SLC12A5: variants seen among roughly 807,000 people sequenced by gnomAD.
The protein encoded by SLC12A5 is K-Cl cotransporter 2.
In SLC12A5, 18 loss-of-function variants were observed where a neutral mutation model predicts 124.0. The ratio of observed to expected loss-of-function variants is 0.15; its 90% CI spans 0.10 to 0.22. The LOEUF is 0.22. SLC12A5 is among the 10% of genes least tolerant of loss of function. SLC12A5 has a pLI of 1.00. For synonymous variants in SLC12A5, 589 were observed against 568.0 expected (o/e 1.04, Z -0.53); for missense variants, 867 against 1,478.7 (o/e 0.59, Z 6.78).
At position 46,053,573 on chromosome 20, in the gene SLC12A5, T is replaced by C. The variant is rs767851385; in HGVS notation, c.2548-5T>C. 2.7e-5 allele frequency: 43 copies of C among 1,613,612 alleles called. No individual in the cohort carries two copies. The highest frequency in any genetic ancestry group is 4.4e-5 in the South Asian group (4 of 91,082). Reference sequence around the variant, plus strand: ...ACCTTTCTGAATCCCCTTCATCGCCTGCAGGTCTGGCGGAAGTGCAAGATG... The same window carrying C: ...ACCTTTCTGAATCCCCTTCATCGCCCGCAGGTCTGGCGGAAGTGCAAGATG... On this transcript the variant is annotated splice_region_variant and splice_polypyrimidine_tract_variant and intron_variant, in intron 19 of 25. Coordinates refer to ENST00000243964, the MANE Select transcript of SLC12A5 (RefSeq NM_020708.5). The surrounding 1 kb of genome is among the most constrained non-coding windows in gnomAD (Gnocchi z 4.7).
chr20:46,042,168 G>A (rs1354976963), intron 8 of SLC12A5, among the ~76,000 whole-genome samples: 1 of 152,216 alleles, frequency 6.6e-6, no homozygotes, highest in Non-Finnish European at 1.5e-5. Context: ...AAGCGATGTA[G>A]GAGAGGCTGG....
chr20:46,029,507 C>T, intron 1 of SLC12A5, 111 bp downstream of exon 1: 2 of 1,220,012 alleles, frequency 1.6e-6, no homozygotes, highest in Non-Finnish European at 1.1e-6. Flanking sequence ...CTGGGACTGA[C>T]CCGGGCGGTG....
Position 46,053,228 on chromosome 20 carries a change from C to T in SLC12A5, c.2547+102C>T. On this transcript the variant is annotated intron_variant, in intron 19 of 25. Coordinates refer to ENST00000243964, the MANE Select transcript of SLC12A5 (RefSeq NM_020708.5). This position sits in a 1 kb window ranked among gnomAD's most constrained non-coding sequence, Gnocchi z 4.7. ...TGCAGGTCAGACTCAGGGGCTCTGGCCAGGGTCAGCTTCCGTGTCCTTCCT... is the reference window on the plus strand; with the variant it reads ...TGCAGGTCAGACTCAGGGGCTCTGGTCAGGGTCAGCTTCCGTGTCCTTCCT... 1 of 1,306,472 alleles carries T rather than the reference C, an allele frequency of 7.7e-7. No individual in the cohort carries two copies. The allele number at this position is 1,306,472 out of a possible 1,614,324, so 80.9% of individuals were successfully genotyped here.
At position 46,037,292 on chromosome 20, in the gene SLC12A5, C is replaced by T. The variant is rs1274799788; in HGVS notation, c.519C>T (p.Gly173=). The T allele has an allele frequency of 6.2e-7, 1 of 1,611,316 alleles. No homozygotes were observed. Among genetic ancestry groups the T allele is most frequent in the East Asian group, 2.2e-5 (1 of 44,788 alleles). ...GSYYMISRSL[G]PEFGGAVGLC... ...ACTACATGATTTCCAGGTCTCTGGGCCCAGAGTTTGGGGGTGCCGTGGGCC... is the reference window on the plus strand; with the variant it reads ...ACTACATGATTTCCAGGTCTCTGGGTCCAGAGTTTGGGGGTGCCGTGGGCC... Residue 173 remains glycine, a synonymous_variant, in exon 6 of 26, where the codon GGC becomes GGT. Coordinates refer to ENST00000243964, the MANE Select transcript of SLC12A5 (RefSeq NM_020708.5).
At chr20:46,039,729 C>A (rs991924644) in intron 6 of SLC12A5, among the ~76,000 whole-genome samples, 1 of 151,864 alleles carries the variant, frequency 6.6e-6, no homozygotes, top group Non-Finnish European at 1.5e-5. Flanking sequence ...GAGCCAAGAT[C>A]GTGCCACTGC....
chr20:46,040,725 G>A, intron 7 of SLC12A5, 111 bp downstream of exon 7: 1 of 1,502,458 alleles, frequency 6.7e-7, no homozygotes, highest in African/African-American at 1.4e-5. Flanking sequence ...AGAGTGGTGT[G>A]GGTTGGGAGT....
At chr20:46,039,264 A>T (rs1390782337) in intron 6 of SLC12A5, among the ~76,000 whole-genome samples, 1 of 152,046 alleles carries the variant, frequency 6.6e-6, no homozygotes, top group Non-Finnish European at 1.5e-5. Flanking sequence ...ACAGATGTGC[A>T]TAAAGAATAG....
At chr20:46,048,176 T>C (rs2084614994) in intron 16 of SLC12A5, 91 bp downstream of exon 16, 3 of 1,184,828 alleles carry the variant, frequency 2.5e-6, no homozygotes, top group East Asian at 5.2e-5. Context: ...GCCTGACTTA[T>C]CCTGCTTGCT....
At chr20:46,022,022 A>T in intron 1 of SLC12A5, 1 of 1,014,942 alleles carries the variant, frequency 9.9e-7, no homozygotes, top group Non-Finnish European at 1.3e-6. Flanking sequence ...TGAGAGGGGA[A>T]TGGAGCCAGG....
chr20:46,059,401 T>A lies in SLC12A5; in HGVS notation c.*1796T>A. The A allele has an allele frequency of 2.5e-6, 1 of 395,826 alleles. No homozygotes were observed. Among genetic ancestry groups the A allele is most frequent in the Non-Finnish European group, 4.4e-6 (1 of 224,806 alleles). 24.5% of individuals were successfully genotyped at this position (395,826 alleles called of 1,614,324 possible). ...GATTCGATCAGGGGACTGGATAGAT[T>A]CTTTCAGGTACTCAATCAGGAAGCT... On this transcript the variant is annotated 3_prime_UTR_variant, in exon 26 of 26. Transcript: ENST00000243964.
Position 46,034,873 on chromosome 20 carries a change from G to A in SLC12A5, c.53-75G>A. ...AACTGAGATTCAGAGGGCTACTGTGGCTACACCACTGTATGCCCAGGTGGT... is the reference window on the plus strand; with the variant it reads ...AACTGAGATTCAGAGGGCTACTGTGACTACACCACTGTATGCCCAGGTGGT... On this transcript the variant is annotated intron_variant, in intron 1 of 25. Coordinates refer to ENST00000243964, the MANE Select transcript of SLC12A5 (RefSeq NM_020708.5). The A allele has an allele frequency of 3.7e-6, 5 of 1,356,044 alleles. No individual in the cohort carries two copies. In the Middle Eastern group the frequency reaches 7.2e-4, roughly 195 times the overall value. The allele number at this position is 1,356,044 out of a possible 1,614,324, so 84.0% of individuals were successfully genotyped here. A position where few individuals can be genotyped will look rare whatever the true frequency, so the allele number is the denominator to read the frequency against.
Position 46,059,756 on chromosome 20 carries a change from GTCCAT to G in SLC12A5, c.*2154_*2158del, listed in dbSNP as rs1237963229. Reference sequence around the variant, plus strand: ...TAATCACTGTAGTTAGATGTTTCATGTCCATTCAAGTGACTTTTATTCTGAGTGCA... The same window carrying G: ...TAATCACTGTAGTTAGATGTTTCATGTCAAGTGACTTTTATTCTGAGTGCA... On this transcript the variant is annotated 3_prime_UTR_variant, in exon 26 of 26. Transcript: ENST00000243964. 2.5e-5 allele frequency: 10 copies of G among 398,296 alleles called. No homozygotes were observed. Among genetic ancestry groups the G allele is most frequent in the East Asian group, 1.4e-4 (4 of 28,052 alleles). The allele number at this position is 398,296 out of a possible 1,614,324, so 24.7% of individuals were successfully genotyped here. A position where few individuals can be genotyped will look rare whatever the true frequency, so the allele number is the denominator to read the frequency against.
intron 4 of SLC12A5, among the ~76,000 whole-genome samples, chr20:46,036,389 G>A (rs1272586948): frequency 2.6e-5 from 4 of 152,222 alleles, no homozygotes; most frequent in Admixed American, 2.0e-4. Context: ...AGCTCTGCAT[G>A]TGAGGTACGC....
chr20:46,041,028 C>G (rs1383404047), intron 7 of SLC12A5: 4 of 411,562 alleles, frequency 9.7e-6, no homozygotes, highest in Admixed American at 8.0e-5. Flanking sequence ...GACTCAGATC[C>G]AAGTCCACTC....
rs763190108 is a variant in SLC12A5, at chr20:46,044,954, A to C, written c.1395-12A>C. On this transcript the variant is annotated splice_polypyrimidine_tract_variant and intron_variant, in intron 11 of 25. Coordinates refer to ENST00000243964, the MANE Select transcript of SLC12A5 (RefSeq NM_020708.5). Reference sequence around the variant, plus strand: ...ACTGCTCACCTGGCATCTCCTGTCCACATCATTCCAGGTTTGGCGAAGCTG... The same window carrying C: ...ACTGCTCACCTGGCATCTCCTGTCCCCATCATTCCAGGTTTGGCGAAGCTG... 4 of 1,614,162 alleles carry C rather than the reference A, an allele frequency of 2.5e-6. No individual in the cohort carries two copies. The East Asian group carries it at 8.9e-5, about 36-fold the overall frequency.
chr20:46,041,187 C>T (rs1233751401), intron 7 of SLC12A5, 142 bp from the exon 8 acceptor site: 2 of 686,368 alleles, frequency 2.9e-6, no homozygotes, highest in Non-Finnish European at 4.8e-6. Context: ...AGCCAATGGC[C>T]AGGCTTCATT....
intron 15 of SLC12A5, 107 bp from the exon 16 acceptor site, chr20:46,047,874 T>C (rs2084610218): frequency 9.0e-7 from 1 of 1,105,444 alleles, no homozygotes; most frequent in Non-Finnish European, 1.3e-6. Flanking sequence ...ATGTCCTTTC[T>C]GAGCCTGAGA....
At chr20:46,052,635 TC>T (rs1439983266) in intron 18 of SLC12A5, among the ~76,000 whole-genome samples, 1 of 152,262 alleles carries the variant, frequency 6.6e-6, no homozygotes, top group Non-Finnish European at 1.5e-5. Context: ...TATAGGTAGA[TC>T]ATGGTTACAA....
At chr20:46,022,980 G>GGAGGAA in exon 2 of SLC12A5, 1 of 370,746 alleles carries the variant, frequency 2.7e-6, no homozygotes, top group East Asian at 4.2e-5. Context: ...AGGAGGAAGA[G>GGAGGAA]GAGGAGGAGG....
Sources: allele counts gnomAD v4.1 joint callset (sites outside exome capture counted in the v4.1 genomes callset), GRCh38; gene constraint gnomAD v4.1.1; non-coding constraint Gnocchi (gnomAD v3.1); transcripts MANE v1.5; gene names NCBI Gene and HGNC (gene_info 2026-07-23, HGNC 2026-07-21).